Variants in KATNIP observed in about 807,000 individuals in gnomAD.
KATNIP encodes katanin-interacting protein.
KATNIP carries 126 observed loss-of-function variants against 174.0 expected under a neutral mutation model. The ratio of observed to expected loss-of-function variants is 0.72; its 90% CI spans 0.63 to 0.84. The LOEUF (loss-of-function observed/expected upper bound fraction) is 0.84. Ranked by LOEUF, KATNIP falls within the 40% of genes least tolerant of loss-of-function variation. The pLI, the probability that KATNIP is intolerant of heterozygous loss-of-function variation, is 0.00. For synonymous variants in KATNIP, 810 were observed against 835.7 expected (o/e 0.97, Z 0.53); for missense variants, 1,958 against 2,109.7 (o/e 0.93, Z 1.41).
At chr16:27,633,489 A>G (rs546372045) in intron 5 of KATNIP, among the ~76,000 whole-genome samples, 55 of 147,696 alleles carry the variant, frequency 3.7e-4, no homozygotes, top group Non-Finnish European at 6.1e-4. Flanking sequence ...ATTTTTATTC[A>G]CTATATTACC....
chr16:27,624,073 G>C (rs2076267166), intron 3 of KATNIP, among the ~76,000 whole-genome samples: 1 of 152,206 alleles, frequency 6.6e-6, no homozygotes, highest in Non-Finnish European at 1.5e-5. Flanking sequence ...CTCTGGCTCA[G>C]ACAAAGGTCC....
chr16:27,740,320 G>A lies in KATNIP; in HGVS notation c.2023G>A (p.Gly675Arg). ...AGCGGATGCAAAGCTTTCTTCACAA[G>A]GAAATGTGTCTGGCAAAAGAAAGAA... is the stretch of plus-strand genomic sequence containing the variant. ...TLADAKLSSQ[G>R]NVSGKRKNST... is the part of the protein sequence containing the mutation. Residue 675 changes from glycine (G) to arginine (R), a missense_variant, in exon 15 of 28, where the codon GGA becomes AGA. By Grantham distance (125) the Gly-to-Arg change is moderately radical. Transcript: ENST00000261588. The A allele has an allele frequency of 6.2e-7, 1 of 1,614,250 alleles. No homozygotes were observed. The highest frequency in any genetic ancestry group is 8.5e-7 in the Non-Finnish European group (1 of 1,180,052).
rs556579410 is a variant in KATNIP, at chr16:27,779,023, G to A, written c.*394G>A. The A allele has an allele frequency of 9.1e-4, 169 of 186,468 alleles. 2 individuals carry two copies. The highest frequency in any genetic ancestry group is 3.8e-3 in the African/African-American group (163 of 42,862). 11.6% of individuals were successfully genotyped at this position (186,468 alleles called of 1,614,324 possible). ...GCCCAGAGAATGGCTGAGCAGGACA[G>A]TGGGAGACCAGACCCTACCCCGCAA... On this transcript the variant is annotated 3_prime_UTR_variant, in exon 28 of 28. Transcript: ENST00000261588.
At chr16:27,719,368 C>A (rs1002705646) in intron 13 of KATNIP, among the ~76,000 whole-genome samples, 1 of 152,076 alleles carries the variant, frequency 6.6e-6, no homozygotes, top group African/African-American at 2.4e-5. Context: ...AGAAATCTCC[C>A]CCCTCCACCA....
At chr16:27,554,942 C>A (rs369970458) in intron 1 of KATNIP, among the ~76,000 whole-genome samples, 1 of 151,824 alleles carries the variant, frequency 6.6e-6, no homozygotes, top group African/African-American at 2.4e-5. Context: ...TACAGGTGCA[C>A]GCCACCACGC....
At position 27,631,173 on chromosome 16, in the gene KATNIP, T is replaced by G. The variant is rs2076476910; in HGVS notation, c.408+11T>G. 6.4e-7 allele frequency: 1 copy of G among 1,551,404 alleles called. No individual in the cohort carries two copies. The highest frequency in any genetic ancestry group is 1.4e-5 in the African/African-American group (1 of 73,316). Reference sequence around the variant, plus strand: ...CGAGGATGGCACCAGGTCTGGAGACTGTGGCCCCAGCCCACGCTTTAGAAT... The same window carrying G: ...CGAGGATGGCACCAGGTCTGGAGACGGTGGCCCCAGCCCACGCTTTAGAAT... On this transcript the variant is annotated intron_variant, in intron 5 of 27. Coordinates refer to ENST00000261588, the MANE Select transcript of KATNIP (RefSeq NM_015202.5).
intron 6 of KATNIP, among the ~76,000 whole-genome samples, chr16:27,667,246 T>TC (rs2077718707): frequency 6.6e-6 from 1 of 151,146 alleles, no homozygotes; most frequent in East Asian, 1.9e-4. Flanking sequence ...ACCCAGGAGG[T>TC]CGAGGTTGCA....
At chr16:27,746,652 C>T (rs1050168237) in intron 15 of KATNIP, among the ~76,000 whole-genome samples, 11 of 152,284 alleles carry the variant, frequency 7.2e-5, no homozygotes, top group South Asian at 2.1e-4. Flanking sequence ...TCCAAGGAGG[C>T]GGGTGACAAG....
In KATNIP at chr16:27,648,586, G is replaced by A. The variant is rs766720870; in HGVS notation, c.409-18G>A. On this transcript the variant is annotated intron_variant, in intron 5 of 27. Coordinates refer to ENST00000261588, the MANE Select transcript of KATNIP (RefSeq NM_015202.5). ...ACCTCATTCCACCTTATCTGAAATG[G>A]CCTGCATTTTTGTACAGAAATCTGT... The A allele has an allele frequency of 5.0e-6, 8 of 1,613,924 alleles. No individual in the cohort carries two copies. Among genetic ancestry groups the A allele is most frequent in the Middle Eastern group, 1.7e-4 (1 of 6,060 alleles).
intron 21 of KATNIP, among the ~76,000 whole-genome samples, chr16:27,771,290 C>T (rs1344908159): frequency 1.3e-5 from 2 of 152,310 alleles, no homozygotes; most frequent in South Asian, 4.1e-4. Context: ...TCCTCATCCA[C>T]ATCCCAAGCA....
intron 5 of KATNIP, among the ~76,000 whole-genome samples, chr16:27,641,030 C>T (rs1418671192): frequency 1.3e-5 from 2 of 151,760 alleles, no homozygotes; most frequent in Admixed American, 6.6e-5. Context: ...CCCAGCTACT[C>T]GGGAGGCCGA....
chr16:27,639,144 T>C (rs2076724579), intron 5 of KATNIP, among the ~76,000 whole-genome samples: 1 of 152,182 alleles, frequency 6.6e-6, no homozygotes, highest in South Asian at 2.1e-4. Flanking sequence ...GGCCTCCAGA[T>C]CCCTTGACCA....
intron 5 of KATNIP, among the ~76,000 whole-genome samples, chr16:27,636,440 C>A (rs931229337): frequency 6.6e-6 from 1 of 152,226 alleles, no homozygotes. Flanking sequence ...GAATTTGTAG[C>A]CCCTGGAGAG....
intron 5 of KATNIP, among the ~76,000 whole-genome samples, chr16:27,631,558 A>C (rs1022028261): frequency 6.6e-6 from 1 of 151,784 alleles, no homozygotes; most frequent in African/African-American, 2.4e-5. Flanking sequence ...AAAAAAAAAA[A>C]AACACCCTAT....
At chr16:27,640,223 T>C (rs936731008) in intron 5 of KATNIP, among the ~76,000 whole-genome samples, 1 of 152,244 alleles carries the variant, frequency 6.6e-6, no homozygotes, top group African/African-American at 2.4e-5. Context: ...TGATTGATAC[T>C]GCAAGGGTCT....
At chr16:27,660,004 C>T in intron 6 of KATNIP, 1 of 984,848 alleles carries the variant, frequency 1.0e-6, no homozygotes, top group African/African-American at 1.7e-5. Context: ...TAACATTACG[C>T]CTCCTGAGGA....
At chr16:27,647,997 T>A (rs2077008019) in intron 5 of KATNIP, among the ~76,000 whole-genome samples, 1 of 152,048 alleles carries the variant, frequency 6.6e-6, no homozygotes, top group Non-Finnish European at 1.5e-5. Flanking sequence ...AGTCTACTGA[T>A]AAAGAATTTC....
rs141638715 is a variant in KATNIP at position 27,583,453 on chromosome 16, G to A, written c.63+9497G>A. Among the ~76,000 whole-genome samples, 172 of 152,288 alleles carry A rather than the reference G, an allele frequency of 1.1e-3. No homozygotes were observed. The Middle Eastern group carries it at 0.014, about 12-fold the overall frequency. ...GAAGAGAGAATGGTGCTAAGAGGAG[G>A]TTCCTGCAAGTTACTCAGGAAAGGT... On this transcript the variant is annotated intron_variant, in intron 2 of 27. Transcript: ENST00000261588.
chr16:27,615,276 G>A (rs780480250), intron 2 of KATNIP, among the ~76,000 whole-genome samples: 3 of 149,120 alleles, frequency 2.0e-5, no homozygotes, highest in Non-Finnish European at 4.4e-5. Context: ...ATACAGGCAT[G>A]CACCACCACA....
Sources: gnomAD v4.1 joint callset for allele counts (sites outside exome capture counted in the v4.1 genomes callset) on GRCh38, gnomAD v4.1.1 for gene constraint, MANE v1.5 for transcripts, NCBI Gene and HGNC (gene_info 2026-07-23, HGNC 2026-07-21) for gene names.